OPRD1: variants seen among roughly 807,000 people sequenced by gnomAD.
OPRD1 encodes the protein delta-type opioid receptor.
Under a neutral mutation model 17.5 loss-of-function variants are expected in OPRD1, and 19 were observed. The observed-to-expected ratio is 1.09, with a 90% CI of 0.76 to 1.60. OPRD1 has a LOEUF of 1.60. OPRD1 is among the 40% of genes most tolerant of loss of function. OPRD1 has a pLI of 0.00. For missense variants in OPRD1, 483 were observed against 547.2 expected, an observed-to-expected ratio of 0.88 and a Z score of 1.17; for synonymous variants, 256 against 240.9, an observed-to-expected ratio of 1.06 and a Z score of -0.58.
Position 28,866,198 on chromosome 1 carries a change from G to A in OPRD1, c.*2915G>A, listed in dbSNP as rs567025365. 2 of 152,382 alleles carry A rather than the reference G, an allele frequency of 1.3e-5. No homozygotes were observed. The highest frequency in any genetic ancestry group is 4.1e-4 in the South Asian group (2 of 4,830). 9.4% of individuals were successfully genotyped at this position (152,382 alleles called of 1,614,324 possible). A position where few individuals can be genotyped will look rare whatever the true frequency, so the allele number is the denominator to read the frequency against. On this transcript the variant is annotated 3_prime_UTR_variant, in exon 3 of 3. Coordinates refer to ENST00000234961, the MANE Select transcript of OPRD1 (RefSeq NM_000911.4). Reference sequence around the variant, plus strand: ...AGCATCAACAGATGATTGCACCTCAGTGTGATGAGTGCGGTGACAGGGAGC... The same window carrying A: ...AGCATCAACAGATGATTGCACCTCAATGTGATGAGTGCGGTGACAGGGAGC...
At chr1:28,849,493 TACAC>T (rs370722261) in intron 1 of OPRD1, among the ~76,000 whole-genome samples, 26 of 151,640 alleles carry the variant, frequency 1.7e-4, no homozygotes, top group African/African-American at 5.6e-4. Flanking sequence ...CTGATACACA[TACAC>T]ACACACACAT....
At chr1:28,856,148 TG>T (rs2089057376) in intron 1 of OPRD1, among the ~76,000 whole-genome samples, 1 of 152,172 alleles carries the variant, frequency 6.6e-6, no homozygotes, top group East Asian at 1.9e-4. Flanking sequence ...AGAGGGAGCG[TG>T]GGAGTCAGGA....
intron 1 of OPRD1, among the ~76,000 whole-genome samples, chr1:28,823,930 C>T (rs1437111780): frequency 6.7e-6 from 1 of 148,204 alleles, no homozygotes; most frequent in Non-Finnish European, 1.5e-5. Flanking sequence ...GTAATCGCAG[C>T]ACTTTGGGAG....
rs1343247741 is a variant in OPRD1, at chr1:28,863,151, C to A, written c.987C>A (p.Phe329Leu). Residue 329 changes from phenylalanine (F) to leucine (L), a missense_variant, in exon 3 of 3, where the codon TTC (phenylalanine) becomes TTA (leucine). Physicochemically the swap from Phe to Leu is conservative, Grantham distance 22. Coordinates refer to ENST00000234961, the MANE Select transcript of OPRD1 (RefSeq NM_000911.4). ...TCGACGAGAACTTCAAGCGCTGCTTCCGCCAGCTCTGCCGCAAGCCCTGCG... is the reference window on the plus strand; with the variant it reads ...TCGACGAGAACTTCAAGCGCTGCTTACGCCAGCTCTGCCGCAAGCCCTGCG... ...AFLDENFKRC[F>L]RQLCRKPCGR... is the part of the protein sequence containing the mutation. 1.2e-6 allele frequency: 2 copies of A among 1,606,462 alleles called. No homozygotes were observed.
At chr1:28,849,334 G>A (rs6656759) in intron 1 of OPRD1, among the ~76,000 whole-genome samples, 10,371 of 152,176 alleles carry the variant, frequency 0.068, 425 homozygotes, top group Middle Eastern at 0.11. Flanking sequence ...TATGCAACCC[G>A]GGTGAGAGAT....
rs1446829843 is a variant in OPRD1, at chr1:28,824,222, G to C, written c.227+11612G>C. On this transcript the variant is annotated intron_variant, in intron 1 of 2. Coordinates refer to ENST00000234961, the MANE Select transcript of OPRD1 (RefSeq NM_000911.4). ...AGCCCCATTCAAAGAACACCACACA[G>C]AGAGAGGCAGAATTTTCCTCCCCTG... Among the ~76,000 whole-genome samples, 3 of 146,184 alleles carry C rather than the reference G, an allele frequency of 2.1e-5. No individual in the cohort carries two copies. In the East Asian group the frequency reaches 6.0e-4, roughly 29 times the overall value.
rs1205082434 is a variant in OPRD1 at position 28,812,606 on chromosome 1, G to A, written c.223G>A (p.Val75Ile). 1 of 1,509,828 alleles carries A rather than the reference G, an allele frequency of 6.6e-7. No individual in the cohort carries two copies. The highest frequency in any genetic ancestry group is 8.8e-7 in the Non-Finnish European group (1 of 1,131,690). 93.5% of individuals were successfully genotyped at this position (1,509,828 alleles called of 1,614,324 possible). The change falls in exon 1 of 3, where the codon GTC (valine) becomes ATC (isoleucine). Residue 75 changes from valine to isoleucine, a missense_variant. Physicochemically the swap from Val to Ile is conservative, Grantham distance 29. Coordinates refer to ENST00000234961, the MANE Select transcript of OPRD1 (RefSeq NM_000911.4). ...CAACGTGCTTGTCATGTTCGGCATC[G>A]TCCGGTGAGTCCGCTGCGGGCCGGC... The part of the protein sequence containing the change: ...LGNVLVMFGI[V>I]RYTKMKTATN...
At chr1:28,848,929 C>T (rs1208223247) in intron 1 of OPRD1, among the ~76,000 whole-genome samples, 1 of 152,118 alleles carries the variant, frequency 6.6e-6, no homozygotes. Flanking sequence ...GGATGATTGT[C>T]TAGAGGGAGT....
At chr1:28,839,895 G>C (rs1027900035) in intron 1 of OPRD1, among the ~76,000 whole-genome samples, 2 of 152,204 alleles carry the variant, frequency 1.3e-5, no homozygotes, top group Non-Finnish European at 2.9e-5. Context: ...GAGGGAAGAA[G>C]GACGAAAGGA....
chr1:28,823,973 T>G, intron 1 of OPRD1, among the ~76,000 whole-genome samples: 1 of 141,792 alleles, frequency 7.1e-6, no homozygotes, highest in African/African-American at 2.6e-5. Flanking sequence ...AGGTCAGGAG[T>G]TTGAGACCAG....
Position 28,863,186 on chromosome 1 carries a change from A to T in OPRD1, c.1022A>T (p.Asp341Val). The T allele has an allele frequency of 6.3e-7, 1 of 1,593,960 alleles. No individual in the cohort carries two copies. Among genetic ancestry groups the T allele is most frequent in the Non-Finnish European group, 8.5e-7 (1 of 1,175,486 alleles). The part of the protein sequence containing the change: ...QLCRKPCGRP[D>V]PSSFSRAREA... The stretch of plus-strand genomic sequence containing the variant: ...TGCCGCAAGCCCTGCGGCCGCCCAG[A>T]CCCCAGCAGCTTCAGCCGCGCCCGC... The change falls in exon 3 of 3, where the codon GAC (aspartate) becomes GTC (valine). Residue 341 changes from aspartate (D) to valine (V), a missense_variant. Physicochemically the swap from Asp to Val is radical, Grantham distance 152. Transcript: ENST00000234961.
intron 1 of OPRD1, among the ~76,000 whole-genome samples, chr1:28,821,397 C>T (rs893694279): frequency 6.6e-6 from 1 of 152,076 alleles, no homozygotes; most frequent in South Asian, 2.1e-4. Context: ...CATGAGCCAC[C>T]GTGCCCAGCT....
intron 1 of OPRD1, among the ~76,000 whole-genome samples, chr1:28,854,118 C>CT (rs1158758507): frequency 2.0e-5 from 3 of 152,132 alleles, no homozygotes; most frequent in South Asian, 4.1e-4. Context: ...TAGTGGCTGT[C>CT]TCTCGGGAGA....
At position 28,813,556 on chromosome 1, in the gene OPRD1, T is replaced by G. The variant is rs145094014; in HGVS notation, c.227+946T>G. Among the ~76,000 whole-genome samples, 52 of 152,274 alleles carry G rather than the reference T, an allele frequency of 3.4e-4. 1 individual carries two copies. The East Asian group carries it at 8.3e-3, about 24-fold the overall frequency. ...GAGTTTATGGAGAGTGCTGGGACCT[T>G]CTCAGAGAGCCTAAGACGTCAGCTT... On this transcript the variant is annotated intron_variant, in intron 1 of 2. Transcript: ENST00000234961.
intron 1 of OPRD1, among the ~76,000 whole-genome samples, chr1:28,852,265 TG>T (rs2089012172): frequency 6.6e-6 from 1 of 150,872 alleles, no homozygotes; most frequent in Non-Finnish European, 1.5e-5. Flanking sequence ...CAAAAAGAAC[TG>T]GTAGATTATG....
At chr1:28,821,196 G>A (rs570457042) in intron 1 of OPRD1, among the ~76,000 whole-genome samples, 41 of 151,904 alleles carry the variant, frequency 2.7e-4, no homozygotes, top group Admixed American at 5.3e-4. Flanking sequence ...TCTGCCTCCC[G>A]GGTTCAAGCA....
chr1:28,859,386 C>A, intron 2 of OPRD1, 83 bp downstream of exon 2: 1 of 1,218,314 alleles, frequency 8.2e-7, no homozygotes, highest in Non-Finnish European at 1.1e-6. Context: ...AGGGCACTTA[C>A]CAGGGTGAGT....
Position 28,863,031 on chromosome 1 carries a change from C to A in OPRD1, c.867C>A (p.Ile289=). 6.2e-7 allele frequency: 1 copy of A among 1,605,264 alleles called. No homozygotes were observed. Among genetic ancestry groups the A allele is most frequent in the Non-Finnish European group, 8.5e-7 (1 of 1,175,930 alleles). Residue 289 remains isoleucine (I), a synonymous_variant, in exon 3 of 3, where the codon ATC becomes ATA. Transcript: ENST00000234961. ...IFVIVWTLVD[I]DRRDPLVVAA... ...TCATCGTCTGGACGCTGGTGGACATCGACCGGCGCGACCCGCTGGTGGTGG... is the reference window on the plus strand; with the variant it reads ...TCATCGTCTGGACGCTGGTGGACATAGACCGGCGCGACCCGCTGGTGGTGG...
In OPRD1 at chr1:28,862,977, GGT is replaced by G; in HGVS notation, c.818_819del (p.Cys273LeufsTer38). 1 of 1,611,248 alleles carries G rather than the reference GGT, an allele frequency of 6.2e-7. No individual in the cohort carries two copies. The highest frequency in any genetic ancestry group is 8.5e-7 in the Non-Finnish European group (1 of 1,179,010). Reference sequence around the variant, plus strand: ...TGCTGGTGGTTGTGGGCGCCTTCGTGGTGTGTTGGGCGCCCATCCACATCTTC... The same window carrying G: ...TGCTGGTGGTTGTGGGCGCCTTCGTGGTGTTGGGCGCCCATCCACATCTTC... Reference protein sequence around the residue: ...MVLVVVGAFVVCWAPIHIFVI... With the variant: ...MVLVVVGAFVXCWAPIHIFVI... On this transcript the variant is annotated frameshift_variant, in exon 3 of 3. Coordinates refer to ENST00000234961, the MANE Select transcript of OPRD1 (RefSeq NM_000911.4). LOFTEE classifies it high-confidence loss of function.
Sources: gnomAD v4.1 joint callset for allele counts (sites outside exome capture counted in the v4.1 genomes callset) on GRCh38, gnomAD v4.1.1 for gene constraint, MANE v1.5 for transcripts, NCBI Gene and HGNC (gene_info 2026-07-23, HGNC 2026-07-21) for gene names.